GRIN2B: variants seen among roughly 807,000 people sequenced by gnomAD.
GRIN2B encodes the protein glutamate ionotropic receptor NMDA type subunit 2B, also known as glutamate receptor ionotropic, NMDA 2B.
GRIN2B carries 5 observed loss-of-function variants against 114.5 expected under a neutral mutation model. The ratio of observed to expected loss-of-function variants is 0.04; its 90% CI spans 0.02 to 0.09. GRIN2B has a LOEUF of 0.09. GRIN2B is among the 10% of genes least tolerant of loss of function. The probability of loss-of-function intolerance (pLI) is 1.00; values close to 1 mark genes in which losing one functional copy is unlikely to be tolerated. For missense variants in GRIN2B, 1,108 were observed against 1,943.5 expected (o/e 0.57, Z 8.08); for synonymous variants, 787 against 745.1 (o/e 1.06, Z -0.92).
chr12:13,806,985 G>A (rs1316074066), intron 3 of GRIN2B, among the ~76,000 whole-genome samples: 1 of 151,366 alleles, frequency 6.6e-6, no homozygotes, highest in Non-Finnish European at 1.5e-5. Flanking sequence ...CCATGACAGG[G>A]CAAGACTCCA....
chr12:13,632,013 A>G (rs1295321462), intron 5 of GRIN2B, among the ~76,000 whole-genome samples: 1 of 152,188 alleles, frequency 6.6e-6, no homozygotes, highest in Non-Finnish European at 1.5e-5. Context: ...ACATGGTAGA[A>G]TTAAATTACT....
chr12:13,653,030 AAGGAT>A (rs1949830596), intron 5 of GRIN2B, among the ~76,000 whole-genome samples: 1 of 152,176 alleles, frequency 6.6e-6, no homozygotes, highest in African/African-American at 2.4e-5. Flanking sequence ...ACACTGTGTG[AAGGAT>A]AGATTAGAAA....
chr12:13,678,265 C>G (rs1275778141), intron 4 of GRIN2B, among the ~76,000 whole-genome samples: 1 of 152,090 alleles, frequency 6.6e-6, no homozygotes, highest in Non-Finnish European at 1.5e-5. Context: ...GTTCTCCTGT[C>G]CAGCCCACCA....
At chr12:13,632,917 C>T (rs1325858928) in intron 5 of GRIN2B, among the ~76,000 whole-genome samples, 1 of 152,128 alleles carries the variant, frequency 6.6e-6, no homozygotes. Flanking sequence ...TAATGGGCAC[C>T]AGAATTGAGA....
At chr12:13,628,409 C>A (rs1949589876) in intron 5 of GRIN2B, among the ~76,000 whole-genome samples, 1 of 152,164 alleles carries the variant, frequency 6.6e-6, no homozygotes, top group Non-Finnish European at 1.5e-5. Context: ...CTCATTACAC[C>A]CTCTTCATGA....
chr12:13,978,263 G>C (rs147979018), intron 2 of GRIN2B, among the ~76,000 whole-genome samples: 2 of 152,298 alleles, frequency 1.3e-5, no homozygotes, highest in Non-Finnish European at 2.9e-5. Context: ...ACTTGGAGTG[G>C]AAGCAGATGG....
At chr12:13,864,199 CTT>C (rs1196499010) in intron 3 of GRIN2B, among the ~76,000 whole-genome samples, 1 of 152,214 alleles carries the variant, frequency 6.6e-6, no homozygotes, top group Non-Finnish European at 1.5e-5. Context: ...TCACTTAACA[CTT>C]TTAACTTGAC....
intron 5 of GRIN2B, among the ~76,000 whole-genome samples, chr12:13,630,522 TC>T (rs1452281276): frequency 1.3e-5 from 2 of 152,198 alleles, no homozygotes. Context: ...GTGGGTCTTG[TC>T]TTGTCCTCTT....
chr12:13,946,801 A>ATTATTTTATTT (rs1867370069), intron 2 of GRIN2B, among the ~76,000 whole-genome samples: 2 of 152,202 alleles, frequency 1.3e-5, no homozygotes. Context: ...TTTAAAATAT[A>ATTATTTTATTT]TAAAAATGTA....
rs140780249 is a variant in GRIN2B, at chr12:13,648,663, A to G, written c.1125+27082T>C. 7.1e-3 allele frequency among the ~76,000 whole-genome samples: 1,083 copies of G among 152,052 alleles called. 5 individuals carry two copies. Among genetic ancestry groups the G allele is most frequent in the Middle Eastern group, 0.017 (5 of 294 alleles). The stretch of plus-strand genomic sequence containing the variant: ...TCCAGTTGAAAGGACCATGAGTTCA[A>G]TGAACATTTCTGGATTTTATCATCT... On this transcript the variant is annotated intron_variant, in intron 5 of 13. Transcript: ENST00000609686.
intron 3 of GRIN2B, among the ~76,000 whole-genome samples, chr12:13,848,132 A>G (rs1310773074): frequency 6.6e-6 from 1 of 152,188 alleles, no homozygotes; most frequent in Non-Finnish European, 1.5e-5. Flanking sequence ...GGATCCCCAC[A>G]AACGGTGGAA....
chr12:13,671,536 C>T (rs1230675747), intron 5 of GRIN2B, among the ~76,000 whole-genome samples: 1 of 152,144 alleles, frequency 6.6e-6, no homozygotes, highest in Non-Finnish European at 1.5e-5. Flanking sequence ...ACCCGAGATG[C>T]CTTGTTAAAA....
chr12:13,837,327 T>C (rs1037836559), intron 3 of GRIN2B, among the ~76,000 whole-genome samples: 1 of 152,218 alleles, frequency 6.6e-6, no homozygotes, highest in Non-Finnish European at 1.5e-5. Context: ...CACACATGCA[T>C]GTCCTGGCCC....
rs1949392368 is a variant in GRIN2B at position 13,613,482 on chromosome 12, G to A, written c.1654+1632C>T. ...CAATTCATACTCAGAAAGTGTCAGG[G>A]TCAGCTTACAAACTGAGCCAAAAAG... On this transcript the variant is annotated intron_variant, in intron 8 of 13. Transcript: ENST00000609686. 2.0e-5 allele frequency among the ~76,000 whole-genome samples: 3 copies of A among 152,080 alleles called. No homozygotes were observed. The South Asian group carries it at 6.2e-4, about 32-fold the overall frequency.
At chr12:13,575,049 C>T (rs1017768102) in intron 10 of GRIN2B, among the ~76,000 whole-genome samples, 2 of 152,116 alleles carry the variant, frequency 1.3e-5, no homozygotes, top group African/African-American at 4.8e-5. Flanking sequence ...ATACACAGAA[C>T]TTAAAGTGGA....
intron 4 of GRIN2B, among the ~76,000 whole-genome samples, chr12:13,710,560 T>C (rs1233399831): frequency 1.3e-5 from 2 of 152,032 alleles, no homozygotes; most frequent in South Asian, 2.1e-4. Context: ...TGTGCAAAAA[T>C]CACAAGCATT....
In GRIN2B at chr12:13,562,778, C is replaced by T; in HGVS notation, c.*5G>A. ...GTACCCACCTTAACCTCTCTGTTCC[C>T]TCACTCAGACATCAGACTCAATACT... On this transcript the variant is annotated 3_prime_UTR_variant, in exon 14 of 14. Transcript: ENST00000609686. 6.2e-7 allele frequency: 1 copy of T among 1,612,426 alleles called. No homozygotes were observed. Among genetic ancestry groups the T allele is most frequent in the African/African-American group, 1.3e-5 (1 of 75,008 alleles).
At chr12:13,926,728 C>A (rs998952888) in intron 2 of GRIN2B, among the ~76,000 whole-genome samples, 1 of 152,116 alleles carries the variant, frequency 6.6e-6, no homozygotes, top group Non-Finnish European at 1.5e-5. Context: ...CCGAGACGGG[C>A]GGATCACGAG....
In GRIN2B at chr12:13,828,138, C is replaced by T. The variant is rs191053537; in HGVS notation, c.411+37660G>A. Among the ~76,000 whole-genome samples the T allele has an allele frequency of 1.7e-4, 26 of 152,268 alleles. 1 individual carries two copies. Among genetic ancestry groups the T allele is most frequent in the Admixed American group, 1.2e-3 (19 of 15,308 alleles). On this transcript the variant is annotated intron_variant, in intron 3 of 13. Coordinates refer to ENST00000609686, the MANE Select transcript of GRIN2B (RefSeq NM_000834.5). ...TTCATGTGTGTAATAATTTTTGAAG[C>T]TCCTGTTTAAAATGTGAGACCTTTT...
Sources: allele counts gnomAD v4.1 joint callset (sites outside exome capture counted in the v4.1 genomes callset), GRCh38; gene constraint gnomAD v4.1.1; transcripts MANE v1.5; gene names NCBI Gene and HGNC (gene_info 2026-07-23, HGNC 2026-07-21).